Variants in CDKAL1 observed in about 807,000 individuals in gnomAD.
The protein encoded by CDKAL1 is threonylcarbamoyladenosine tRNA methylthiotransferase.
A neutral mutation model predicts 68.2 loss-of-function variants in CDKAL1; 32 were observed. That is an observed-to-expected ratio of 0.47 (90% CI 0.35 to 0.63). The LOEUF is 0.63. CDKAL1 is among the 30% of genes least tolerant of loss of function. The probability of loss-of-function intolerance (pLI) is 0.00; values close to 1 mark genes in which losing one functional copy is unlikely to be tolerated. For synonymous variants in CDKAL1, 234 were observed against 244.3 expected (o/e 0.96, Z 0.39); for missense variants, 606 against 696.7 (o/e 0.87, Z 1.47).
intron 13 of CDKAL1, among the ~76,000 whole-genome samples, chr6:21,147,416 CA>C (rs1776231125): frequency 6.6e-6 from 1 of 152,140 alleles, no homozygotes; most frequent in Admixed American, 6.5e-5. Flanking sequence ...GTAATGGGGC[CA>C]TTCTGGACTC....
At chr6:20,612,949 T>C (rs147691573) in intron 4 of CDKAL1, among the ~76,000 whole-genome samples, 1 of 150,480 alleles carries the variant, frequency 6.6e-6, no homozygotes, top group African/African-American at 2.4e-5. Context: ...TGCCGTCTGC[T>C]TCAGCTAAGT....
rs924035857 is a variant in CDKAL1, at chr6:21,127,053, C to G, written c.1299+18590C>G. Among the ~76,000 whole-genome samples, 14 of 152,146 alleles carry G rather than the reference C, an allele frequency of 9.2e-5. No homozygotes were observed. The South Asian group carries it at 1.5e-3, about 16-fold the overall frequency. ...TGGCATCTGTCCTGGAATAGCCAAC[C>G]AAAGTTTCATCAAACCTGGTCGATT... On this transcript the variant is annotated intron_variant, in intron 13 of 15. Coordinates refer to ENST00000274695, the MANE Select transcript of CDKAL1 (RefSeq NM_017774.3).
intron 8 of CDKAL1, among the ~76,000 whole-genome samples, chr6:20,796,525 T>G (rs1776115639): frequency 6.6e-6 from 1 of 151,348 alleles, no homozygotes; most frequent in South Asian, 2.1e-4. Context: ...AGTAGAGTTA[T>G]CTAAAACAGT....
intron 12 of CDKAL1, among the ~76,000 whole-genome samples, chr6:21,079,848 G>C (rs1772281490): frequency 6.6e-6 from 1 of 152,020 alleles, no homozygotes; most frequent in Non-Finnish European, 1.5e-5. Flanking sequence ...TCCCCTACTT[G>C]ATTTTATCTT....
At chr6:20,986,596 C>G (rs1766468758) in intron 10 of CDKAL1, among the ~76,000 whole-genome samples, 1 of 150,706 alleles carries the variant, frequency 6.6e-6, no homozygotes. Flanking sequence ...CTCAAATGTA[C>G]AATTCTCTCT....
At chr6:21,171,776 G>T (rs1355319233) in intron 13 of CDKAL1, among the ~76,000 whole-genome samples, 2 of 152,106 alleles carry the variant, frequency 1.3e-5, no homozygotes, top group Non-Finnish European at 2.9e-5. Context: ...AAGGGGTTTT[G>T]GTAGAAACTG....
At chr6:21,086,695 C>A (rs1456688402) in intron 12 of CDKAL1, among the ~76,000 whole-genome samples, 1 of 152,152 alleles carries the variant, frequency 6.6e-6, no homozygotes, top group Non-Finnish European at 1.5e-5. Flanking sequence ...CTCTATCCAC[C>A]TGCCATGTTT....
chr6:20,895,551 A>G (rs1761635917), intron 9 of CDKAL1, among the ~76,000 whole-genome samples: 1 of 152,220 alleles, frequency 6.6e-6, no homozygotes, highest in South Asian at 2.1e-4. Context: ...AATGCCTTAC[A>G]TCTTTGTAGG....
chr6:20,567,088 TG>T (rs1764490165), intron 4 of CDKAL1, among the ~76,000 whole-genome samples: 2 of 152,012 alleles, frequency 1.3e-5, no homozygotes, highest in African/African-American at 4.8e-5. Flanking sequence ...TCCCCATTTT[TG>T]GGTCTCATCT....
chr6:20,937,157 C>T (rs1763761400), intron 9 of CDKAL1, among the ~76,000 whole-genome samples: 1 of 152,126 alleles, frequency 6.6e-6, no homozygotes, highest in South Asian at 2.1e-4. Flanking sequence ...AGCACAGTCA[C>T]AGCTCACTGC....
rs531904726 is a variant in CDKAL1, at chr6:20,837,937, TTGTGTGTG to T, written c.639-8100_639-8093del. On this transcript the variant is annotated intron_variant, in intron 8 of 15. Transcript: ENST00000274695. ...AGTTAGGGGTGGAGCTGGGAAGAAA[TTGTGTGTG>T]TGTGTGTGTGTGTGTGTGTGTGTGT... 1.4e-3 allele frequency among the ~76,000 whole-genome samples: 172 copies of T among 123,198 alleles called. 1 individual carries two copies. Among genetic ancestry groups the T allele is most frequent in the East Asian group, 4.0e-3 (16 of 4,024 alleles). 80.8% of individuals were successfully genotyped at this position (123,198 alleles called of 152,430 possible).
intron 5 of CDKAL1, among the ~76,000 whole-genome samples, chr6:20,733,244 T>C (rs1163675183): frequency 6.6e-6 from 1 of 152,218 alleles, no homozygotes; most frequent in Non-Finnish European, 1.5e-5. Context: ...CACATCTCTG[T>C]TCTTCCATTC....
intron 13 of CDKAL1, among the ~76,000 whole-genome samples, chr6:21,182,376 G>A (rs1256895446): frequency 2.0e-5 from 3 of 152,186 alleles, no homozygotes; most frequent in Non-Finnish European, 2.9e-5. Flanking sequence ...CCTATTGTGA[G>A]TCAGGCATTT....
At chr6:20,678,350 TTGTA>T (rs1279218667) in intron 5 of CDKAL1, among the ~76,000 whole-genome samples, 1 of 152,230 alleles carries the variant, frequency 6.6e-6, no homozygotes, top group African/African-American at 2.4e-5. Context: ...GGATTATTCT[TTGTA>T]TGTTACTCCT....
chr6:21,228,672 G>A (rs988492281), intron 15 of CDKAL1, among the ~76,000 whole-genome samples: 6 of 152,124 alleles, frequency 3.9e-5, no homozygotes, highest in Non-Finnish European at 5.9e-5. Context: ...CTCTGTGACT[G>A]CAGCCTGCTA....
At chr6:21,023,146 A>G (rs529711250) in intron 11 of CDKAL1, among the ~76,000 whole-genome samples, 36 of 149,466 alleles carry the variant, frequency 2.4e-4, no homozygotes, top group South Asian at 2.1e-3. Context: ...TTTTTTTACC[A>G]TTAGCCTTTG....
chr6:20,907,337 G>A (rs1441599224), intron 9 of CDKAL1, among the ~76,000 whole-genome samples: 3 of 152,232 alleles, frequency 2.0e-5, no homozygotes, highest in East Asian at 1.9e-4. Flanking sequence ...CAGGAGAATC[G>A]CTTGAGCCCA....
At chr6:20,882,142 C>T (rs1292102848) in intron 9 of CDKAL1, among the ~76,000 whole-genome samples, 2 of 152,138 alleles carry the variant, frequency 1.3e-5, no homozygotes, top group Non-Finnish European at 2.9e-5. Context: ...GACTCTCTGA[C>T]CTTCCTCTGA....
chr6:20,824,946 G>T (rs538672982), intron 8 of CDKAL1, among the ~76,000 whole-genome samples: 1 of 151,832 alleles, frequency 6.6e-6, no homozygotes, highest in East Asian at 1.9e-4. Context: ...AATATATCTT[G>T]CTTCTTTTTC....
Sources: gnomAD v4.1 joint callset for allele counts (sites outside exome capture counted in the v4.1 genomes callset) on GRCh38, gnomAD v4.1.1 for gene constraint, MANE v1.5 for transcripts, NCBI Gene and HGNC (gene_info 2026-07-23, HGNC 2026-07-21) for gene names.